TMCC3: variants seen among roughly 807,000 people sequenced by gnomAD.
TMCC3 encodes transmembrane and coiled-coil domain protein 3.
Under a neutral mutation model 40.2 loss-of-function variants are expected in TMCC3, and 28 were observed. The ratio of observed to expected loss-of-function variants is 0.70; its 90% CI spans 0.52 to 0.95. The LOEUF (loss-of-function observed/expected upper bound fraction) is 0.95. TMCC3 is among the 40% of genes least tolerant of loss of function. The pLI, the probability that TMCC3 is intolerant of heterozygous loss-of-function variation, is 0.00. For missense variants in TMCC3, 554 were observed against 615.2 expected (o/e 0.90, Z 1.05); for synonymous variants, 255 against 248.5 (o/e 1.03, Z -0.25).
chr12:94,582,605 T>C lies in TMCC3; in HGVS notation c.79-67A>G, dbSNP rs1040908773. On this transcript the variant is annotated intron_variant, in intron 1 of 3. Coordinates refer to ENST00000261226, the MANE Select transcript of TMCC3 (RefSeq NM_020698.4). Reference sequence around the variant, plus strand: ...AAGAGATAATTACTGTGACAGAATCTATGCACATACAAGATACATACATGA... The same window carrying C: ...AAGAGATAATTACTGTGACAGAATCCATGCACATACAAGATACATACATGA... 3.8e-5 allele frequency: 53 copies of C among 1,408,046 alleles called. No individual in the cohort carries two copies. In the Admixed American group the frequency reaches 1.1e-3, roughly 30 times the overall value. The allele number at this position is 1,408,046 out of a possible 1,614,324, so 87.2% of individuals were successfully genotyped here. A position where few individuals can be genotyped will look rare whatever the true frequency, so the allele number is the denominator to read the frequency against.
At chr12:94,572,330 A>ATTTTTTTTTTTT (rs1178986394) in intron 3 of TMCC3, among the ~76,000 whole-genome samples, 4 of 82,908 alleles carry the variant, frequency 4.8e-5, no homozygotes, top group African/African-American at 1.2e-4. Flanking sequence ...TTTTTTTTTG[A>ATTTTTTTTTTTT]GACAGAGTTT....
chr12:94,642,093 C>T (rs1220165218), intron 1 of TMCC3, among the ~76,000 whole-genome samples: 1 of 152,058 alleles, frequency 6.6e-6, no homozygotes, highest in Non-Finnish European at 1.5e-5. Context: ...GTCACAAAAA[C>T]TTAAATTTGT....
intron 3 of TMCC3, among the ~76,000 whole-genome samples, chr12:94,574,040 G>A (rs1022037896): frequency 3.3e-5 from 5 of 152,188 alleles, no homozygotes; most frequent in African/African-American, 7.2e-5. Context: ...CATGCAGCAC[G>A]TGCCACACAC....
chr12:94,595,775 T>C (rs937730149), intron 1 of TMCC3, among the ~76,000 whole-genome samples: 2 of 152,200 alleles, frequency 1.3e-5, no homozygotes, highest in Non-Finnish European at 2.9e-5. Context: ...TTTTTTCTAA[T>C]ATATGCCAGC....
At chr12:94,610,475 T>C (rs2068809387) in intron 1 of TMCC3, among the ~76,000 whole-genome samples, 1 of 148,890 alleles carries the variant, frequency 6.7e-6, no homozygotes, top group Admixed American at 6.7e-5. Context: ...AGAACAGAAA[T>C]GGAGATGAAA....
intron 1 of TMCC3, among the ~76,000 whole-genome samples, chr12:94,624,286 C>T (rs572582145): frequency 1.6e-4 from 24 of 152,148 alleles, no homozygotes; most frequent in Non-Finnish European, 3.1e-4. Context: ...TAGGTATGTA[C>T]CCAAGAGAAA....
At position 94,645,187 on chromosome 12, in the gene TMCC3, T is replaced by G. The variant is rs144371042; in HGVS notation, c.78+5166A>C. Among the ~76,000 whole-genome samples, 294 of 152,346 alleles carry G rather than the reference T, an allele frequency of 1.9e-3. 1 individual carries two copies. The highest frequency in any genetic ancestry group is 6.7e-3 in the African/African-American group (279 of 41,574). Reference sequence around the variant, plus strand: ...TATTTTTTGAATAAACGAAGCATCTTGCTCTCAAAGTGCCAATGTCTATAG... The same window carrying G: ...TATTTTTTGAATAAACGAAGCATCTGGCTCTCAAAGTGCCAATGTCTATAG... On this transcript the variant is annotated intron_variant, in intron 1 of 3. Coordinates refer to ENST00000261226, the MANE Select transcript of TMCC3 (RefSeq NM_020698.4).
At chr12:94,575,810 T>C (rs2068561096) in intron 3 of TMCC3, among the ~76,000 whole-genome samples, 1 of 152,038 alleles carries the variant, frequency 6.6e-6, no homozygotes, top group Non-Finnish European at 1.5e-5. Flanking sequence ...TTTTTATTTG[T>C]TTTTTGGAGA....
chr12:94,633,554 C>T (rs902969764), intron 1 of TMCC3, among the ~76,000 whole-genome samples: 6 of 152,164 alleles, frequency 3.9e-5, no homozygotes, highest in African/African-American at 7.2e-5. Flanking sequence ...CAAACATTTG[C>T]CCCTCTTTGT....
chr12:94,587,639 C>T (rs753569108), intron 1 of TMCC3, among the ~76,000 whole-genome samples: 2 of 152,186 alleles, frequency 1.3e-5, no homozygotes, highest in Non-Finnish European at 2.9e-5. Flanking sequence ...TCCTGGCACA[C>T]TGAATGATTT....
At chr12:94,624,919 T>A (rs1210919388) in intron 1 of TMCC3, among the ~76,000 whole-genome samples, 1 of 151,750 alleles carries the variant, frequency 6.6e-6, no homozygotes, top group African/African-American at 2.4e-5. Flanking sequence ...GGCGGGTGGA[T>A]CACTTGAGGT....
chr12:94,616,273 G>A (rs553976248), intron 1 of TMCC3: 46 of 169,342 alleles, frequency 2.7e-4, no homozygotes, highest in Admixed American at 9.8e-4. Flanking sequence ...CAATCACCCC[G>A]ACTCTGGGAT....
At chr12:94,576,826 T>C (rs2068568032) in intron 3 of TMCC3, among the ~76,000 whole-genome samples, 1 of 152,150 alleles carries the variant, frequency 6.6e-6, no homozygotes. Context: ...GTTGTTTCAC[T>C]ACGTGCTAGG....
intron 1 of TMCC3, among the ~76,000 whole-genome samples, chr12:94,589,136 TG>T (rs68014222): frequency 0.63 from 94,575 of 149,536 alleles, 29,836 homozygotes; most frequent in Admixed American, 0.66. Flanking sequence ...ATGAGGTTGT[TG>T]TTTTTTTTTA....
At chr12:94,591,158 C>A in intron 1 of TMCC3, 1 of 341,736 alleles carries the variant, frequency 2.9e-6, no homozygotes, top group Non-Finnish European at 5.7e-6. Flanking sequence ...AAATACGAGA[C>A]TTCGTACAGT....
chr12:94,601,643 T>C (rs565321824), intron 1 of TMCC3, among the ~76,000 whole-genome samples: 69 of 151,408 alleles, frequency 4.6e-4, no homozygotes, highest in African/African-American at 1.5e-3. Context: ...TGGCCAACCC[T>C]ATCTCTACTA....
chr12:94,650,330 G>C, intron 1 of TMCC3, 23 bp downstream of exon 1: 1 of 1,253,182 alleles, frequency 8.0e-7, no homozygotes, highest in South Asian at 2.6e-5. Flanking sequence ...CGCACCCGCC[G>C]CCCCCCAGCC....
At chr12:94,617,226 G>A (rs2651969) in intron 1 of TMCC3, among the ~76,000 whole-genome samples, 22,732 of 152,148 alleles carry the variant, frequency 0.15, 2,244 homozygotes, top group Non-Finnish European at 0.22. Context: ...AAACACAGAC[G>A]TCCTGATGAA....
At position 94,588,323 on chromosome 12, in the gene TMCC3, T is replaced by C. The variant is rs115631208; in HGVS notation, c.79-5785A>G. Among the ~76,000 whole-genome samples, 151 of 152,198 alleles carry C rather than the reference T, an allele frequency of 9.9e-4. 2 individuals carry two copies. Among genetic ancestry groups the C allele is most frequent in the African/African-American group, 3.4e-3 (141 of 41,518 alleles). On this transcript the variant is annotated intron_variant, in intron 1 of 3. Coordinates refer to ENST00000261226, the MANE Select transcript of TMCC3 (RefSeq NM_020698.4). ...CCCCCCAGCAAACAGAACCAGAATG[T>C]AGGGCTCCTGTGGACCCTGGAACGA...
Sources: allele counts gnomAD v4.1 joint callset (sites outside exome capture counted in the v4.1 genomes callset), GRCh38; gene constraint gnomAD v4.1.1; transcripts MANE v1.5; gene names NCBI Gene and HGNC (gene_info 2026-07-23, HGNC 2026-07-21).